The following CEP295 variants were observed in gnomAD, a reference collection of about 807,000 sequenced individuals.
CEP295 encodes centrosomal protein 295.
In CEP295, 190 loss-of-function variants were observed where a neutral mutation model predicts 291.6. That is an observed-to-expected ratio of 0.65 (90% CI 0.58 to 0.73). The LOEUF is 0.73. Ranked by LOEUF, CEP295 falls within the 30% of genes least tolerant of loss-of-function variation. The pLI is 0.00. For synonymous variants in CEP295, 993 were observed against 1,038.8 expected (o/e 0.96, Z 0.85); for missense variants, 2,863 against 2,949.4 (o/e 0.97, Z 0.68).
rs141399562 is a variant in CEP295 at position 93,700,527 on chromosome 11, G to C, written c.5274+341G>C. On this transcript the variant is annotated intron_variant, in intron 15 of 29. Transcript: ENST00000325212. ...TGCAACCCCTACCTCCTGGGTTTAA[G>C]TGGTTCTTGTGCCTCAGTCTCCCAA... Among the ~76,000 whole-genome samples, 234 of 149,958 alleles carry C rather than the reference G, an allele frequency of 1.6e-3. 2 individuals carry two copies. The highest frequency in any genetic ancestry group is 5.4e-3 in the African/African-American group (218 of 40,712).
chr11:93,710,191 C>T (rs1445889912), intron 18 of CEP295, among the ~76,000 whole-genome samples: 1 of 151,996 alleles, frequency 6.6e-6, no homozygotes, highest in Non-Finnish European at 1.5e-5. Flanking sequence ...GTGGTGAAAG[C>T]AGGCATCCTT....
chr11:93,727,859 A>G (rs1368840540), intron 24 of CEP295: 1 of 446,638 alleles, frequency 2.2e-6, no homozygotes, highest in Non-Finnish European at 3.9e-6. Context: ...CTGCTTGTTA[A>G]TATTGCTATC....
intron 21 of CEP295, 63 bp downstream of exon 21, chr11:93,723,352 T>C (rs1425135396): frequency 4.1e-6 from 5 of 1,215,904 alleles, no homozygotes; most frequent in Non-Finnish European, 5.7e-6. Context: ...CCTTTCATCA[T>C]TTTAAATTTT....
At chr11:93,682,938 GC>G (rs1316126169) in intron 7 of CEP295, among the ~76,000 whole-genome samples, 8 of 152,232 alleles carry the variant, frequency 5.3e-5, no homozygotes, top group African/African-American at 1.9e-4. Flanking sequence ...AAGAAGTCTT[GC>G]CTTGTTCTCC....
chr11:93,682,948 C>T (rs1341805315), intron 7 of CEP295, among the ~76,000 whole-genome samples: 3 of 152,172 alleles, frequency 2.0e-5, no homozygotes, highest in Non-Finnish European at 4.4e-5. Context: ...GCCTTGTTCT[C>T]CCTCCTTACC....
chr11:93,667,751 C>T lies in CEP295; in HGVS notation c.253C>T (p.Leu85=), dbSNP rs1181463896. 1 of 1,551,368 alleles carries T rather than the reference C, an allele frequency of 6.4e-7. No homozygotes were observed. Among genetic ancestry groups the T allele is most frequent in the Non-Finnish European group, 8.7e-7 (1 of 1,146,838 alleles). The part of the protein sequence containing the change: ...QTQKIQNLEK[L]YLASLRSMGE... ...TCAGAAAATACAGAACTTGGAAAAA[C>T]TGTATTTGGCAAGTTTAAGAAGTAT... Residue 85 remains leucine (L), a synonymous_variant, in exon 3 of 30, where the codon CTG becomes TTG. Transcript: ENST00000325212.
In CEP295 at chr11:93,697,522, G is replaced by A. The variant is rs563277134; in HGVS notation, c.2610G>A (p.Gln870=). The A allele has an allele frequency of 3.2e-6, 5 of 1,551,816 alleles. No homozygotes were observed. The highest frequency in any genetic ancestry group is 4.9e-5 in the East Asian group (2 of 40,928). Residue 870 remains glutamine, a synonymous_variant, in exon 15 of 30, where the codon CAG becomes CAA. Coordinates refer to ENST00000325212, the MANE Select transcript of CEP295 (RefSeq NM_033395.2). ...VLQATQEAQE[Q]LLLCKQKEVE... ...AGGCAACTCAGGAAGCTCAGGAACA[G>A]TTGCTTTTGTGCAAACAGAAAGAAG... is the stretch of plus-strand genomic sequence containing the variant.
At chr11:93,716,683 G>T (rs1320606729) in intron 18 of CEP295, among the ~76,000 whole-genome samples, 1 of 152,176 alleles carries the variant, frequency 6.6e-6, no homozygotes, top group Non-Finnish European at 1.5e-5. Flanking sequence ...AGCTTACAGT[G>T]GTGTGAAAGC....
intron 22 of CEP295, among the ~76,000 whole-genome samples, chr11:93,724,631 G>T (rs537018802): frequency 3.3e-5 from 5 of 151,990 alleles, no homozygotes; most frequent in Non-Finnish European, 5.9e-5. Context: ...GCCAGGTGTC[G>T]TGGTGCGCAC....
At chr11:93,665,892 A>T (rs1224193481) in intron 1 of CEP295, among the ~76,000 whole-genome samples, 1 of 152,214 alleles carries the variant, frequency 6.6e-6, no homozygotes, top group Non-Finnish European at 1.5e-5. Flanking sequence ...GTAGACTGGG[A>T]GTTGAATCTA....
At chr11:93,687,462 T>C (rs1445508309) in intron 9 of CEP295, among the ~76,000 whole-genome samples, 182 bp from the exon 10 acceptor site, 1 of 152,222 alleles carries the variant, frequency 6.6e-6, no homozygotes, top group Non-Finnish European at 1.5e-5. Flanking sequence ...AAAAAATTAT[T>C]TCTAGTTATA....
intron 12 of CEP295, among the ~76,000 whole-genome samples, chr11:93,693,693 T>C (rs536851171): frequency 6.6e-6 from 1 of 152,114 alleles, no homozygotes; most frequent in African/African-American, 2.4e-5. Context: ...GAGGTGGAGG[T>C]TGCAGTCAGC....
At chr11:93,720,454 A>G (rs1173082482) in intron 18 of CEP295, among the ~76,000 whole-genome samples, 1 of 131,512 alleles carries the variant, frequency 7.6e-6, no homozygotes, top group East Asian at 2.4e-4. Flanking sequence ...AGCCTGGGTG[A>G]CAGAGCGAGA....
chr11:93,667,946 A>G (rs1950262777), intron 3 of CEP295, 139 bp downstream of exon 3: 2 of 626,866 alleles, frequency 3.2e-6, no homozygotes, highest in African/African-American at 1.9e-5. Flanking sequence ...TATAAATTTA[A>G]TGTAATTTGT....
At chr11:93,675,527 A>G in intron 5 of CEP295, 44 bp from the exon 6 acceptor site, 1 of 1,084,082 alleles carries the variant, frequency 9.2e-7, no homozygotes, top group Non-Finnish European at 1.3e-6. Flanking sequence ...GCTTTAAGTG[A>G]AAATTAATGC....
intron 18 of CEP295, among the ~76,000 whole-genome samples, chr11:93,714,625 A>G (rs1004762184): frequency 6.6e-6 from 1 of 152,158 alleles, no homozygotes; most frequent in Non-Finnish European, 1.5e-5. Context: ...CTTTCTGAGT[A>G]TTCAAAGGGA....
chr11:93,662,356 G>A (rs7949850), intron 1 of CEP295, among the ~76,000 whole-genome samples: 137,797 of 152,170 alleles, frequency 0.91, 63,465 homozygotes, highest in Non-Finnish European at 0.99. Context: ...CCTTTATACA[G>A]TTTAAGAAAA....
intron 5 of CEP295, among the ~76,000 whole-genome samples, chr11:93,673,804 A>G (rs1482391215): frequency 6.6e-6 from 1 of 151,744 alleles, no homozygotes; most frequent in African/African-American, 2.4e-5. Context: ...CAGCTTTTTA[A>G]CAATGCTAAT....
chr11:93,662,749 TGGGC>T (rs2134738124), intron 1 of CEP295, among the ~76,000 whole-genome samples: 1 of 152,340 alleles, frequency 6.6e-6, no homozygotes, highest in African/African-American at 2.4e-5. Context: ...CTAACGTCAA[TGGGC>T]AAAAGTATGA....
Sources: gnomAD v4.1 joint callset for allele counts (sites outside exome capture counted in the v4.1 genomes callset) on GRCh38, gnomAD v4.1.1 for gene constraint, MANE v1.5 for transcripts, NCBI Gene and HGNC (gene_info 2026-07-23, HGNC 2026-07-21) for gene names.